PHACTR1: variants seen among roughly 807,000 people sequenced by gnomAD.
The protein encoded by PHACTR1 is RPEL repeat containing 1.
In PHACTR1, 16 loss-of-function variants were observed where a neutral mutation model predicts 69.2. The observed-to-expected ratio is 0.23, with a 90% CI of 0.16 to 0.35. The LOEUF is 0.35. PHACTR1 is among the 10% of genes least tolerant of loss of function. The pLI is 1.00. For missense variants in PHACTR1, 510 were observed against 734.7 expected, an observed-to-expected ratio of 0.69 and a Z score of 3.54; for synonymous variants, 312 against 284.5, an observed-to-expected ratio of 1.10 and a Z score of -0.97.
Position 12,907,075 on chromosome 6 carries a change from G to A in PHACTR1, c.251-146290G>A, listed in dbSNP as rs577236136. On this transcript the variant is annotated intron_variant, in intron 4 of 14. Transcript: ENST00000332995. The stretch of plus-strand genomic sequence containing the variant: ...AATATTTCCACTAGATAAAAATGAA[G>A]ATCTAATTTAAAATATTAACTAGAT... Among the ~76,000 whole-genome samples the A allele has an allele frequency of 5.9e-5, 9 of 152,146 alleles. No homozygotes were observed. The East Asian group carries it at 9.6e-4, about 16-fold the overall frequency.
chr6:12,752,317 T>C (rs1408998940), intron 4 of PHACTR1, among the ~76,000 whole-genome samples: 3 of 152,244 alleles, frequency 2.0e-5, no homozygotes, highest in Non-Finnish European at 4.4e-5. Flanking sequence ...TCAGCATTGC[T>C]GAACAGAGAA....
intron 4 of PHACTR1, among the ~76,000 whole-genome samples, chr6:12,906,307 T>C (rs1008414390): frequency 7.9e-5 from 12 of 152,220 alleles, no homozygotes; most frequent in Admixed American, 7.9e-4. Context: ...ATATAAATTA[T>C]GTGTTTCTAT....
chr6:12,757,336 G>C (rs886965365), intron 4 of PHACTR1, among the ~76,000 whole-genome samples: 1 of 152,118 alleles, frequency 6.6e-6, no homozygotes, highest in African/African-American at 2.4e-5. Flanking sequence ...GAAGGGAGAC[G>C]AAGAGGGGGA....
At chr6:13,144,479 A>G (rs1347522809) in intron 5 of PHACTR1, among the ~76,000 whole-genome samples, 2 of 152,224 alleles carry the variant, frequency 1.3e-5, no homozygotes, top group East Asian at 3.8e-4. Flanking sequence ...GATGGAGCAT[A>G]TTCATGGACT....
intron 4 of PHACTR1, among the ~76,000 whole-genome samples, chr6:12,961,534 C>T (rs1017500384): frequency 7.2e-5 from 11 of 152,122 alleles, no homozygotes; most frequent in Admixed American, 6.5e-5. Context: ...TGTGTCCAAA[C>T]TGAAAGGAAG....
chr6:13,051,301 C>T (rs756653554), intron 4 of PHACTR1, among the ~76,000 whole-genome samples: 1 of 152,062 alleles, frequency 6.6e-6, no homozygotes, highest in Non-Finnish European at 1.5e-5. Context: ...TTTTGTTTAC[C>T]GTCATAGCCT....
At chr6:12,826,052 T>C (rs1776771034) in intron 4 of PHACTR1, among the ~76,000 whole-genome samples, 1 of 152,238 alleles carries the variant, frequency 6.6e-6, no homozygotes, top group Admixed American at 6.5e-5. Context: ...TGCATGCACA[T>C]AGATGACAAG....
chr6:13,048,272 C>G (rs530196464), intron 4 of PHACTR1, among the ~76,000 whole-genome samples: 1 of 152,302 alleles, frequency 6.6e-6, no homozygotes, highest in Non-Finnish European at 1.5e-5. Flanking sequence ...CATGCTCAGT[C>G]CTGGCAGTTG....
At chr6:13,253,947 G>A (rs926939765) in intron 10 of PHACTR1, among the ~76,000 whole-genome samples, 5 of 152,176 alleles carry the variant, frequency 3.3e-5, no homozygotes, top group African/African-American at 1.2e-4. Flanking sequence ...AACTGGGGTG[G>A]CTGGGTGCAG....
At chr6:12,795,738 G>T (rs953949002) in intron 4 of PHACTR1, among the ~76,000 whole-genome samples, 3 of 146,592 alleles carry the variant, frequency 2.0e-5, no homozygotes, top group Admixed American at 1.4e-4. Flanking sequence ...TTTTTGAGTT[G>T]TTTTTTTTTT....
At position 12,944,556 on chromosome 6, in the gene PHACTR1, G is replaced by T. The variant is rs537600627; in HGVS notation, c.251-108809G>T. Among the ~76,000 whole-genome samples, 21 of 152,276 alleles carry T rather than the reference G, an allele frequency of 1.4e-4. No homozygotes were observed. The East Asian group carries it at 3.7e-3, about 27-fold the overall frequency. ...TCCTTATTCTGACTTTACTGAAAGA[G>T]TTGGGAAGTGGGTATGTGTGTAGCT... is the stretch of plus-strand genomic sequence containing the variant. On this transcript the variant is annotated intron_variant, in intron 4 of 14. Transcript: ENST00000332995.
At position 13,280,941 on chromosome 6, in the gene PHACTR1, G is replaced by A. The variant is rs115619627; in HGVS notation, c.1510-2481G>A. ...GACATGAGCCCATGCACACAGAGGA[G>A]CGTCCTGGTGGCCGTTTGTTAGTGC... is the stretch of plus-strand genomic sequence containing the variant. On this transcript the variant is annotated intron_variant, in intron 12 of 14. Coordinates refer to ENST00000332995, the MANE Select transcript of PHACTR1 (RefSeq NM_030948.6). 6.7e-4 allele frequency: 867 copies of A among 1,288,192 alleles called. 7 individuals carry two copies. In the African/African-American group the frequency reaches 0.012, roughly 19 times the overall value. 79.8% of individuals were successfully genotyped at this position (1,288,192 alleles called of 1,614,324 possible).
At position 13,257,164 on chromosome 6, in the gene PHACTR1, G is replaced by C. The variant is rs567614795; in HGVS notation, c.1392-15696G>C. On this transcript the variant is annotated intron_variant, in intron 10 of 14. Transcript: ENST00000332995. ...AAAACAAAGGGGGAGTGAGGCATCT[G>C]ACATGGCAGGAGCAGGAGCAAGAGA... Among the ~76,000 whole-genome samples the C allele has an allele frequency of 1.7e-3, 260 of 152,252 alleles. 1 individual carries two copies. The highest frequency in any genetic ancestry group is 6.0e-3 in the African/African-American group (250 of 41,542).
intron 5 of PHACTR1, among the ~76,000 whole-genome samples, chr6:13,096,914 C>T (rs1251043004): frequency 6.6e-6 from 1 of 152,068 alleles, no homozygotes; most frequent in African/African-American, 2.4e-5. Flanking sequence ...TTAATTGCAT[C>T]TGTGTGCAAT....
At chr6:12,971,682 T>C (rs1794226510) in intron 4 of PHACTR1, among the ~76,000 whole-genome samples, 1 of 152,242 alleles carries the variant, frequency 6.6e-6, no homozygotes, top group Non-Finnish European at 1.5e-5. Context: ...AAAATTAGAC[T>C]GTAGTGATGG....
intron 4 of PHACTR1, among the ~76,000 whole-genome samples, chr6:12,880,830 T>C (rs1783017260): frequency 6.6e-6 from 1 of 151,852 alleles, no homozygotes; most frequent in Non-Finnish European, 1.5e-5. Flanking sequence ...ATTCATTGAT[T>C]GGCAGGGTCA....
intron 4 of PHACTR1, among the ~76,000 whole-genome samples, chr6:12,892,004 G>A (rs6902050): frequency 0.85 from 129,669 of 152,222 alleles, 55,781 homozygotes; most frequent in East Asian, 0.94. Flanking sequence ...CCCAAGTAAA[G>A]TGTAAAGGTT....
chr6:13,146,130 ATCT>A (rs946999908), intron 5 of PHACTR1, among the ~76,000 whole-genome samples: 5 of 152,328 alleles, frequency 3.3e-5, no homozygotes, highest in Non-Finnish European at 5.9e-5. Flanking sequence ...GTCATGTAAC[ATCT>A]TCTTTATCTG....
chr6:13,106,884 C>T (rs1038377816), intron 5 of PHACTR1, among the ~76,000 whole-genome samples: 2 of 152,078 alleles, frequency 1.3e-5, no homozygotes, highest in African/African-American at 4.8e-5. Flanking sequence ...CCGTGATAAA[C>T]ACCAGTCAGT....
Sources: gnomAD v4.1 joint callset for allele counts (sites outside exome capture counted in the v4.1 genomes callset) on GRCh38, gnomAD v4.1.1 for gene constraint, MANE v1.5 for transcripts, NCBI Gene and HGNC (gene_info 2026-07-23, HGNC 2026-07-21) for gene names.